Variants in INTS6 observed in about 807,000 individuals in gnomAD.
INTS6 encodes DEAD box protein.
In INTS6, 16 loss-of-function variants were observed where a neutral mutation model predicts 104.9. The observed-to-expected ratio is 0.15, with a 90% CI of 0.10 to 0.23. The LOEUF (loss-of-function observed/expected upper bound fraction) is 0.23. Ranked by LOEUF, INTS6 falls within the 10% of genes least tolerant of loss-of-function variation. The probability of loss-of-function intolerance (pLI) is 1.00; values close to 1 mark genes in which losing one functional copy is unlikely to be tolerated. For missense variants in INTS6, 584 were observed against 1,062.8 expected (o/e 0.55, Z 6.26); for synonymous variants, 324 against 358.7 (o/e 0.90, Z 1.09).
At chr13:51,447,486 G>A (rs1475296169) in intron 3 of INTS6, 1 of 151,912 alleles carries the variant, frequency 6.6e-6, no homozygotes, top group Non-Finnish European at 1.5e-5. Context: ...TTTTCAATGA[G>A]GTAAACATTC....
chr13:51,335,699 A>C, the INTS6 span: 1 of 152,264 alleles, frequency 6.6e-6, no homozygotes, highest in Admixed American at 6.5e-5. Flanking sequence ...CTGGATGTTC[A>C]TCACTGGGAG....
intron 4 of INTS6, among the ~76,000 whole-genome samples, chr13:51,408,993 A>G (rs1203674221): frequency 6.6e-6 from 1 of 152,102 alleles, no homozygotes; most frequent in Non-Finnish European, 1.5e-5. Flanking sequence ...TTCTTCTTCC[A>G]TATCATAGCT....
chr13:51,388,306 T>G (rs1453447868), intron 6 of INTS6, among the ~76,000 whole-genome samples: 3 of 152,124 alleles, frequency 2.0e-5, no homozygotes, highest in African/African-American at 7.2e-5. Flanking sequence ...AGGTACCTAC[T>G]TTAGTGGACC....
intron 3 of INTS6, chr13:51,449,824 G>A (rs1952997370): frequency 1.0e-6 from 1 of 985,218 alleles, no homozygotes; most frequent in African/African-American, 1.7e-5. Flanking sequence ...CAGCAGAGAT[G>A]GGAAAAACAT....
intron 3 of INTS6, among the ~76,000 whole-genome samples, chr13:51,356,126 T>C (rs1194795977): frequency 2.6e-5 from 4 of 152,114 alleles, no homozygotes; most frequent in Admixed American, 6.5e-5. Context: ...TGAGAATCTA[T>C]TCTACAGAGT....
chr13:51,414,912 C>T (rs1360630088), intron 4 of INTS6, among the ~76,000 whole-genome samples: 1 of 151,842 alleles, frequency 6.6e-6, no homozygotes, highest in African/African-American at 2.4e-5. Context: ...TCCTTTCTCT[C>T]CCTATGATTT....
At chr13:51,396,050 G>T (rs553588782) in intron 4 of INTS6, among the ~76,000 whole-genome samples, 8 of 152,010 alleles carry the variant, frequency 5.3e-5, no homozygotes, top group Admixed American at 1.3e-4. Context: ...CACACGCCTC[G>T]GCCTCTCAAA....
At chr13:51,351,827 G>A (rs1160413331), downstream of INTS6, among the ~76,000 whole-genome samples, 1 of 152,010 alleles carries the variant, frequency 6.6e-6, no homozygotes, top group Non-Finnish European at 1.5e-5. Context: ...ATAGTATGAG[G>A]TAGGGATTCA....
chr13:51,369,154 G>T lies in INTS6; in HGVS notation c.2261C>A (p.Ala754Asp), dbSNP rs1268215870. The part of the protein sequence containing the change: ...LLERPTNHME[A>D]LGHDHLGTND... Reference sequence around the variant, plus strand: ...GGTTCCTAAATGGTCATGACCAAGAGCCTCCATATGATTGGTTGGCCGTTC... The same window carrying T: ...GGTTCCTAAATGGTCATGACCAAGATCCTCCATATGATTGGTTGGCCGTTC... The change falls in exon 16 of 18, where the codon GCT becomes GAT. Residue 754 changes from alanine to aspartate, a missense_variant. Physicochemically the swap from Ala to Asp is moderately radical, Grantham distance 126. This residue lies in a region of INTS6 where 296 missense variants were observed against 437.0 expected (regional missense o/e 0.68). Coordinates refer to ENST00000311234, the MANE Select transcript of INTS6 (RefSeq NM_012141.3). The T allele has an allele frequency of 6.2e-7, 1 of 1,613,838 alleles. No homozygotes were observed. The highest frequency in any genetic ancestry group is 1.3e-5 in the African/African-American group (1 of 75,006).
At chr13:51,422,531 G>A (rs1354303933) in intron 4 of INTS6, among the ~76,000 whole-genome samples, 1 of 152,134 alleles carries the variant, frequency 6.6e-6, no homozygotes, top group African/African-American at 2.4e-5. Flanking sequence ...GAACCTCTCA[G>A]AATTCTGCCT....
At chr13:51,392,880 CACTCATTAATT>C (rs1042231780) in intron 5 of INTS6, among the ~76,000 whole-genome samples, 6 of 152,008 alleles carry the variant, frequency 3.9e-5, no homozygotes, top group Non-Finnish European at 7.4e-5. Context: ...ATAGAGTGGG[CACTCATTAATT>C]ACCTGATATC....
Position 51,364,192 on chromosome 13 carries a change from G to A in INTS6, c.*1560C>T. On this transcript the variant is annotated 3_prime_UTR_variant, in exon 18 of 18. Coordinates refer to ENST00000311234, the MANE Select transcript of INTS6 (RefSeq NM_012141.3). Reference sequence around the variant, plus strand: ...AGAAGTAAACAAAGCTTAAAGAACTGCATATGAAAATACTATATAATATTA... The same window carrying A: ...AGAAGTAAACAAAGCTTAAAGAACTACATATGAAAATACTATATAATATTA... 2 of 902,066 alleles carry A rather than the reference G, an allele frequency of 2.2e-6. No homozygotes were observed. Among genetic ancestry groups the A allele is most frequent in the Non-Finnish European group, 1.7e-6 (1 of 604,344 alleles). 55.9% of individuals were successfully genotyped at this position (902,066 alleles called of 1,614,324 possible).
chr13:51,429,785 A>AAAAAAAAAAAAAAT (rs1156333077), intron 4 of INTS6, among the ~76,000 whole-genome samples: 5 of 92,380 alleles, frequency 5.4e-5, no homozygotes, highest in African/African-American at 1.8e-4. Flanking sequence ...AAAAAAAAAA[A>AAAAAAAAAAAAAAT]ATATATATAT....
intron 3 of INTS6, chr13:51,449,884 G>C: frequency 1.0e-6 from 1 of 985,304 alleles, no homozygotes; most frequent in Non-Finnish European, 1.2e-6. Flanking sequence ...CTAAACGTTG[G>C]AAGTTCAATT....
At chr13:51,429,086 A>T (rs763760533) in intron 4 of INTS6, among the ~76,000 whole-genome samples, 3 of 152,216 alleles carry the variant, frequency 2.0e-5, no homozygotes, top group Non-Finnish European at 4.4e-5. Flanking sequence ...GATAGAAATT[A>T]GGAAGTCAGG....
the INTS6 span, chr13:51,347,208 T>G: frequency 6.2e-7 from 1 of 1,613,976 alleles, no homozygotes; most frequent in Non-Finnish European, 8.5e-7. Flanking sequence ...GTCCCCATGA[T>G]GCACCAAACG....
chr13:51,345,563 C>T, the INTS6 span, among the ~76,000 whole-genome samples: 1 of 141,556 alleles, frequency 7.1e-6, no homozygotes, highest in Non-Finnish European at 1.5e-5. Flanking sequence ...TCACTGCACT[C>T]CAGCTTGGGC....
At chr13:51,443,204 C>T (rs914657489) in intron 3 of INTS6, 2 of 152,096 alleles carry the variant, frequency 1.3e-5, no homozygotes, top group African/African-American at 4.8e-5. Flanking sequence ...GAAATTAAGC[C>T]TCTGAACCTT....
intron 4 of INTS6, among the ~76,000 whole-genome samples, chr13:51,416,085 T>G (rs2138051545): frequency 6.6e-6 from 1 of 152,252 alleles, no homozygotes; most frequent in South Asian, 2.1e-4. Flanking sequence ...ATAAGGACAT[T>G]ATTAGTGATC....
Sources: allele counts gnomAD v4.1 joint callset (sites outside exome capture counted in the v4.1 genomes callset), GRCh38; gene constraint gnomAD v4.1.1; regional missense constraint gnomAD v4.1.1; transcripts MANE v1.5; gene names NCBI Gene and HGNC (gene_info 2026-07-23, HGNC 2026-07-21).